Variants in C12orf76 observed in about 807,000 individuals in gnomAD.
C12orf76 encodes chromosome 12 open reading frame 76.
Under a neutral mutation model 6.8 loss-of-function variants are expected in C12orf76, and 6 were observed. The ratio of observed to expected loss-of-function variants is 0.88; its 90% CI spans 0.48 to 1.73. The LOEUF (loss-of-function observed/expected upper bound fraction) is 1.73, where lower values mean the gene tolerates loss of function less well. Among genes scored for constraint, C12orf76 ranks in the 40% most tolerant of loss-of-function variants. The probability of loss-of-function intolerance (pLI) is 0.01; values close to 1 mark genes in which losing one functional copy is unlikely to be tolerated. For synonymous variants in C12orf76, 56 were observed against 43.7 expected (o/e 1.28, Z -1.11); for missense variants, 99 against 98.2 (o/e 1.01, Z -0.03).
chr12:110,065,563 C>T (rs1892845411), intron 2 of C12orf76, among the ~76,000 whole-genome samples: 1 of 152,132 alleles, frequency 6.6e-6, no homozygotes, highest in Admixed American at 6.6e-5. Flanking sequence ...AGTTCTGCCT[C>T]CAAAACACAT....
At chr12:110,062,795 T>C (rs1024369708) in intron 2 of C12orf76, among the ~76,000 whole-genome samples, 1 of 141,140 alleles carries the variant, frequency 7.1e-6, no homozygotes, top group Non-Finnish European at 1.6e-5. Flanking sequence ...AATATTTTTT[T>C]TTTTTTTTTT....
At chr12:110,045,724 C>T (rs1431195468) in intron 1 of C12orf76, among the ~76,000 whole-genome samples, 3 of 152,088 alleles carry the variant, frequency 2.0e-5, no homozygotes, top group Non-Finnish European at 2.9e-5. Flanking sequence ...TTTGGGAGGC[C>T]GAGATGGGCA....
chr12:110,068,304 G>GAAGAAC, upstream of C12orf76, among the ~76,000 whole-genome samples: 1 of 146,708 alleles, frequency 6.8e-6, no homozygotes, highest in Non-Finnish European at 1.5e-5. Context: ...AGAAGAAGAA[G>GAAGAAC]AAGAAGAAGA....
chr12:110,050,553 T>C (rs897321435), upstream of C12orf76: 1 of 166,244 alleles, frequency 6.0e-6, no homozygotes, highest in African/African-American at 2.4e-5. Flanking sequence ...AAAACCAAAA[T>C]GGTGACAAGA....
At chr12:110,051,454 T>C (rs1229694578), upstream of C12orf76, among the ~76,000 whole-genome samples, 1 of 151,698 alleles carries the variant, frequency 6.6e-6, no homozygotes, top group African/African-American at 2.4e-5. Flanking sequence ...TTAAATGGAG[T>C]CTTGCTCTGT....
intron 1 of C12orf76, among the ~76,000 whole-genome samples, chr12:110,067,189 A>C (rs73205054): frequency 0.02 from 3,026 of 152,320 alleles, 42 homozygotes; most frequent in Middle Eastern, 0.037. Flanking sequence ...GAATTCTCCT[A>C]GGTGGTGCCA....
exon 2 of C12orf76, chr12:110,065,992 C>A: frequency 6.2e-7 from 1 of 1,610,348 alleles, no homozygotes; most frequent in South Asian, 1.1e-5. Flanking sequence ...AGAACTGGGT[C>A]ATCTCTGACC....
Position 110,042,428 on chromosome 12 carries a change from C to T in C12orf76, c.165G>A (p.Leu55=), listed in dbSNP as rs1468464511. 6.2e-7 allele frequency: 1 copy of T among 1,614,090 alleles called. No homozygotes were observed. The highest frequency in any genetic ancestry group is 2.2e-5 in the East Asian group (1 of 44,890). The change falls in exon 2 of 2, where the codon CTG becomes CTA. Residue 55 remains leucine, a synonymous_variant. Transcript: ENST00000615315. The part of the protein sequence containing the change: ...VLMGTIFSIL[L]VTVILMAFCV... ...AAAATGCCATAAGGATGACAGTCAC[C>T]AGCAGGATGCTGAAAATGGTTCCCA...
chr12:110,045,164 GA>G (rs1368491813), intron 1 of C12orf76, among the ~76,000 whole-genome samples: 1 of 152,134 alleles, frequency 6.6e-6, no homozygotes, highest in Non-Finnish European at 1.5e-5. Flanking sequence ...CTTGTTAACT[GA>G]ATACCTGCCC....
rs1892308187 is a variant in C12orf76, at chr12:110,041,419, A to T, written c.*955T>A. On this transcript the variant is annotated 3_prime_UTR_variant, in exon 2 of 2. Transcript: ENST00000615315. ...AAATAAATATTGACGACAGCTTTAT[A>T]AGTATGAAAGTATCATTTCAATAGG... 6.6e-6 allele frequency: 1 copy of T among 152,614 alleles called. No individual in the cohort carries two copies. The highest frequency in any genetic ancestry group is 2.1e-4 in the South Asian group (1 of 4,838). 9.5% of individuals were successfully genotyped at this position (152,614 alleles called of 1,614,324 possible). A position where few individuals can be genotyped will look rare whatever the true frequency, so the allele number is the denominator to read the frequency against.
At chr12:110,068,273 AGAAGAAG>A (rs958203403), upstream of C12orf76, among the ~76,000 whole-genome samples, 1 of 133,656 alleles carries the variant, frequency 7.5e-6, no homozygotes, top group Non-Finnish European at 1.7e-5. Context: ...AAGAAGAAGA[AGAAGAAG>A]AAGAAGAAGA....
intron 2 of C12orf76, among the ~76,000 whole-genome samples, chr12:110,062,723 G>A (rs1181339582): frequency 6.7e-6 from 1 of 148,638 alleles, no homozygotes; most frequent in Non-Finnish European, 1.5e-5. Flanking sequence ...AGGATCAAGC[G>A]ATCCTCCCAC....
upstream of C12orf76, among the ~76,000 whole-genome samples, chr12:110,071,386 C>T (rs982942902): frequency 5.3e-5 from 8 of 151,982 alleles, no homozygotes; most frequent in Non-Finnish European, 1.2e-4. Flanking sequence ...TATAAAAATA[C>T]ATACATGTAT....
chr12:110,053,184 G>A (rs1360541602), upstream of C12orf76, among the ~76,000 whole-genome samples: 5 of 128,902 alleles, frequency 3.9e-5, no homozygotes, highest in African/African-American at 1.5e-4. Context: ...GAGCTAGACT[G>A]TCTCAAAAAA....
upstream of C12orf76, among the ~76,000 whole-genome samples, chr12:110,070,471 C>A (rs1408884694): frequency 6.6e-6 from 1 of 151,340 alleles, no homozygotes; most frequent in Non-Finnish European, 1.5e-5. Flanking sequence ...GAGGATGAGG[C>A]AGGAGGATCA....
rs776311969 is a variant in C12orf76 at position 110,042,464 on chromosome 12, A to G, written c.134-5T>C. ...TGAAAATGGTTCCCATCAACACTGC[A>G]AAGGGAAAACAGGTTACTTCCTAAT... is the stretch of plus-strand genomic sequence containing the variant. On this transcript the variant is annotated splice_region_variant and splice_polypyrimidine_tract_variant and intron_variant, in intron 1 of 1. Transcript: ENST00000615315. The G allele has an allele frequency of 4.4e-6, 7 of 1,600,036 alleles. No individual in the cohort carries two copies. Among genetic ancestry groups the G allele is most frequent in the Non-Finnish European group, 6.0e-6 (7 of 1,167,168 alleles).
At chr12:110,061,717 T>C (rs1270996474) in intron 2 of C12orf76, among the ~76,000 whole-genome samples, 2 of 151,800 alleles carry the variant, frequency 1.3e-5, no homozygotes, top group African/African-American at 4.8e-5. Context: ...TTGTAGTTTT[T>C]AGTAGAGATG....
Position 110,042,308 on chromosome 12 carries a change from C to T in C12orf76, c.*66G>A. 1 of 1,362,016 alleles carries T rather than the reference C, an allele frequency of 7.3e-7. No homozygotes were observed. Among genetic ancestry groups the T allele is most frequent in the African/African-American group, 1.4e-5 (1 of 70,210 alleles). The allele number at this position is 1,362,016 out of a possible 1,614,324, so 84.4% of individuals were successfully genotyped here. On this transcript the variant is annotated 3_prime_UTR_variant, in exon 2 of 2. Coordinates refer to ENST00000615315, the MANE Select transcript of C12orf76 (RefSeq NM_001389625.1). ...TAGGAAAGTTTTGGTTCCAACTTCT[C>T]CACTGGCCTGTGTGCAACACAACTT...
intron 1 of C12orf76, 63 bp downstream of exon 1, chr12:110,048,300 C>T: frequency 7.0e-7 from 1 of 1,436,460 alleles, no homozygotes; most frequent in Non-Finnish European, 9.1e-7. Flanking sequence ...TGCCCGGCTC[C>T]AGCACCCGGA....
Sources: gnomAD v4.1 joint callset for allele counts (sites outside exome capture counted in the v4.1 genomes callset) on GRCh38, gnomAD v4.1.1 for gene constraint, MANE v1.5 for transcripts, NCBI Gene and HGNC (gene_info 2026-07-23, HGNC 2026-07-21) for gene names.